PRKAG2: variants seen among roughly 807,000 people sequenced by gnomAD.
PRKAG2 encodes the protein 5'-AMP-activated protein kinase subunit gamma-2.
Under a neutral mutation model 69.6 loss-of-function variants are expected in PRKAG2, and 26 were observed. That is an observed-to-expected ratio of 0.37 (90% CI 0.27 to 0.52). PRKAG2 has a LOEUF of 0.52. PRKAG2 is among the 20% of genes least tolerant of loss of function. The probability of loss-of-function intolerance (pLI) is 0.90; values close to 1 mark genes in which losing one functional copy is unlikely to be tolerated. For missense variants in PRKAG2, 557 were observed against 740.0 expected, an observed-to-expected ratio of 0.75 and a Z score of 2.87; for synonymous variants, 293 against 285.0, an observed-to-expected ratio of 1.03 and a Z score of -0.28.
chr7:151,710,467 C>T (rs972047089), intron 3 of PRKAG2, among the ~76,000 whole-genome samples: 2 of 152,198 alleles, frequency 1.3e-5, no homozygotes, highest in Non-Finnish European at 1.5e-5. Context: ...GACCCCGTCA[C>T]TCCTCTGCTC....
At chr7:151,743,851 C>G (rs1178599368) in intron 3 of PRKAG2, among the ~76,000 whole-genome samples, 2 of 152,198 alleles carry the variant, frequency 1.3e-5, no homozygotes, top group African/African-American at 4.8e-5. Flanking sequence ...CTCGGCAGGG[C>G]TCCAGGCTTG....
At chr7:151,677,100 T>A (rs1239835444) in intron 3 of PRKAG2, among the ~76,000 whole-genome samples, 1 of 152,230 alleles carries the variant, frequency 6.6e-6, no homozygotes, top group East Asian at 1.9e-4. Context: ...GGCACTTTGT[T>A]ATAACAGCCT....
At chr7:151,736,517 C>G (rs1799836835) in intron 3 of PRKAG2, 2 of 605,006 alleles carry the variant, frequency 3.3e-6, no homozygotes, top group African/African-American at 4.1e-5. Context: ...AGGAAACCAC[C>G]CTGGGCAGAC....
At chr7:151,796,288 T>C (rs1254685462) in intron 1 of PRKAG2, among the ~76,000 whole-genome samples, 1 of 152,114 alleles carries the variant, frequency 6.6e-6, no homozygotes, top group South Asian at 2.1e-4. Flanking sequence ...GTCCACACTA[T>C]GGAACCCTCA....
chr7:151,763,104 C>A (rs761510394), intron 3 of PRKAG2, among the ~76,000 whole-genome samples: 1 of 152,226 alleles, frequency 6.6e-6, no homozygotes, highest in Non-Finnish European at 1.5e-5. Context: ...CAACTGAAAA[C>A]GTCCATTAAA....
chr7:151,754,739 C>A (rs1454085014), intron 3 of PRKAG2, among the ~76,000 whole-genome samples: 2 of 150,746 alleles, frequency 1.3e-5, no homozygotes, highest in Non-Finnish European at 3.0e-5. Context: ...TCCCCACCAC[C>A]TCTCCAGGCC....
chr7:151,688,619 G>A (rs754793761), intron 3 of PRKAG2, among the ~76,000 whole-genome samples: 23 of 152,148 alleles, frequency 1.5e-4, no homozygotes, highest in Admixed American at 7.9e-4. Flanking sequence ...CCCGGGATTC[G>A]GACACTGCTT....
Position 151,632,490 on chromosome 7 carries a change from C to A in PRKAG2, c.685-352G>T. 4.7e-6 allele frequency: 4 copies of A among 847,850 alleles called. 1 individual carries two copies. The South Asian group carries it at 2.2e-4, about 46-fold the overall frequency. The allele number at this position is 847,850 out of a possible 1,614,324, so 52.5% of individuals were successfully genotyped here. A position where few individuals can be genotyped will look rare whatever the true frequency, so the allele number is the denominator to read the frequency against. ...TGGGCCCGGGGCGCCCCCCTCCGGC[C>A]GTGGCCCGCGTCCTCCCCGCCGTGC... On this transcript the variant is annotated intron_variant, in intron 4 of 15. Coordinates refer to ENST00000287878, the MANE Select transcript of PRKAG2 (RefSeq NM_016203.4). This position sits in a 1 kb window ranked among gnomAD's most constrained non-coding sequence, Gnocchi z 4.2.
chr7:151,872,303 A>G (rs2080236724), intron 1 of PRKAG2, among the ~76,000 whole-genome samples: 1 of 152,062 alleles, frequency 6.6e-6, no homozygotes, highest in Admixed American at 6.5e-5. Flanking sequence ...GGCTTTTGCC[A>G]AAGTACTTGA....
chr7:151,845,688 G>A (rs1011433786), intron 1 of PRKAG2, among the ~76,000 whole-genome samples: 1 of 152,202 alleles, frequency 6.6e-6, no homozygotes, highest in Admixed American at 6.5e-5. Context: ...ACAAGGGGAG[G>A]TGGCTGCCAA....
chr7:151,626,664 G>A (rs887075773), intron 5 of PRKAG2, among the ~76,000 whole-genome samples: 6 of 152,098 alleles, frequency 3.9e-5, no homozygotes, highest in South Asian at 2.1e-4. Flanking sequence ...GCAAGTTGAC[G>A]CTTGGCTGTG....
At chr7:151,823,739 TGTGGGGCCCAGAGTCATTCCTG>T (rs1470140443) in intron 1 of PRKAG2, among the ~76,000 whole-genome samples, 6 of 152,190 alleles carry the variant, frequency 3.9e-5, no homozygotes, top group Non-Finnish European at 1.5e-5. Flanking sequence ...GGCCCAGGGA[TGTGGGGCCCAGAGTCATTCCTG>T]GTGGATGGGG....
chr7:151,805,092 T>C (rs946278138), intron 1 of PRKAG2, among the ~76,000 whole-genome samples: 1 of 152,132 alleles, frequency 6.6e-6, no homozygotes, highest in Non-Finnish European at 1.5e-5. Context: ...GCGAATCTGT[T>C]CCTCCATCCT....
In PRKAG2 at chr7:151,780,488, T is replaced by C. The variant is rs145971121; in HGVS notation, c.466+664A>G. On this transcript the variant is annotated intron_variant, in intron 3 of 15. Transcript: ENST00000287878. The surrounding 1 kb of genome is among the most constrained non-coding windows in gnomAD (Gnocchi z 4.2). ...AAAGGAAAGGAGAAAGTAAACGCCA[T>C]AAACTTTCTAGTTCGTGGTATATTT... is the stretch of plus-strand genomic sequence containing the variant. Among the ~76,000 whole-genome samples the C allele has an allele frequency of 2.7e-3, 404 of 152,346 alleles. 1 individual carries two copies. The highest frequency in any genetic ancestry group is 4.9e-3 in the Admixed American group (75 of 15,302).
chr7:151,655,894 G>C (rs1398996117), intron 4 of PRKAG2, among the ~76,000 whole-genome samples: 1 of 152,178 alleles, frequency 6.6e-6, no homozygotes, highest in Non-Finnish European at 1.5e-5. Flanking sequence ...TACACTTTGA[G>C]TCAGGCCATC....
intron 1 of PRKAG2, among the ~76,000 whole-genome samples, chr7:151,827,379 C>T (rs947698809): frequency 6.6e-6 from 1 of 152,136 alleles, no homozygotes; most frequent in Admixed American, 6.5e-5. Context: ...GCCAGGATTA[C>T]AGGTGCCTGC....
rs374851764 is a variant in PRKAG2 at position 151,771,292 on chromosome 7, A to G, written c.466+9860T>C. ...AATAAAACATTATATCACTTCTATCAGCACCACGTTTCTTGTCTTTCCAAG... is the reference window on the plus strand; with the variant it reads ...AATAAAACATTATATCACTTCTATCGGCACCACGTTTCTTGTCTTTCCAAG... On this transcript the variant is annotated intron_variant, in intron 3 of 15. Coordinates refer to ENST00000287878, the MANE Select transcript of PRKAG2 (RefSeq NM_016203.4). This position sits in a 1 kb window ranked among gnomAD's most constrained non-coding sequence, Gnocchi z 4.0. Among the ~76,000 whole-genome samples the G allele has an allele frequency of 9.9e-5, 15 of 152,192 alleles. No homozygotes were observed. In the East Asian group the frequency reaches 2.7e-3, roughly 27 times the overall value.
In PRKAG2 at chr7:151,690,811, C is replaced by T. The variant is rs140001581; in HGVS notation, c.467-15174G>A. ...ATTCCTCCTTTTCATGCACTTAGCA[C>T]ATTCCAATGTTATCAAATGATAGAG... On this transcript the variant is annotated intron_variant, in intron 3 of 15. Transcript: ENST00000287878. Among the ~76,000 whole-genome samples the T allele has an allele frequency of 4.7e-3, 723 of 152,330 alleles. 4 individuals are homozygous for T. Among genetic ancestry groups the T allele is most frequent in the African/African-American group, 0.017 (691 of 41,566 alleles).
At chr7:151,832,262 A>G (rs1408524128) in intron 1 of PRKAG2, among the ~76,000 whole-genome samples, 26 of 109,598 alleles carry the variant, frequency 2.4e-4, no homozygotes, top group African/African-American at 7.7e-4. Flanking sequence ...GGAGGAGGGA[A>G]GGAAGGGAGG....
Sources: allele counts gnomAD v4.1 joint callset (sites outside exome capture counted in the v4.1 genomes callset), GRCh38; gene constraint gnomAD v4.1.1; non-coding constraint Gnocchi (gnomAD v3.1); transcripts MANE v1.5; gene names NCBI Gene and HGNC (gene_info 2026-07-23, HGNC 2026-07-21).